The following ATP11A variants were observed in gnomAD, a reference collection of about 807,000 sequenced individuals.
ATP11A encodes phospholipid-transporting ATPase IH.
ATP11A carries 81 observed loss-of-function variants against 154.4 expected under a neutral mutation model. The observed-to-expected ratio is 0.52, with a 90% CI of 0.44 to 0.63. ATP11A has a LOEUF of 0.63. Among genes scored for constraint, ATP11A ranks in the 30% least tolerant of loss-of-function variants. The pLI is 0.00. For synonymous variants in ATP11A, 623 were observed against 585.9 expected (o/e 1.06, Z -0.91); for missense variants, 1,316 against 1,474.3 (o/e 0.89, Z 1.76).
chr13:112,852,461 G>A (rs185529799), intron 18 of ATP11A, among the ~76,000 whole-genome samples: 169 of 152,376 alleles, frequency 1.1e-3, no homozygotes, highest in Admixed American at 8.1e-3. Flanking sequence ...TCCAGAGTAA[G>A]TGCACAGAGC....
chr13:112,878,293 G>T lies in ATP11A; in HGVS notation c.3404G>T (p.Ter1135LeuextTer66). 1 of 1,614,086 alleles carries T rather than the reference G, an allele frequency of 6.2e-7. No individual in the cohort carries two copies. The highest frequency in any genetic ancestry group is 1.1e-5 in the South Asian group (1 of 91,088). Residue 1135 changes from the stop codon to leucine (L), a stop_lost, in exon 29 of 30, where the codon TGA becomes TTA. Coordinates refer to ENST00000375645, the MANE Select transcript of ATP11A (RefSeq NM_015205.3). ...CAGACTTCCAGCAGCCTGAGTTTCT[G>T]ATGGAACAAGGTGATGCTCCTCTGC... ...LSQTSSSLSF[*>L]
chr13:112,707,302 C>T (rs1175859614), intron 1 of ATP11A, among the ~76,000 whole-genome samples: 11 of 151,820 alleles, frequency 7.2e-5, no homozygotes, highest in Non-Finnish European at 1.0e-4. Context: ...GTAATCCCAC[C>T]TACTCAGGAG....
chr13:112,818,233 G>A (rs1346011855), intron 6 of ATP11A, among the ~76,000 whole-genome samples: 2 of 150,142 alleles, frequency 1.3e-5, no homozygotes, highest in Non-Finnish European at 3.0e-5. Flanking sequence ...TGGTGACGGG[G>A]CGGTGACCGT....
At chr13:112,770,918 C>T (rs982590581) in intron 1 of ATP11A, among the ~76,000 whole-genome samples, 4 of 152,228 alleles carry the variant, frequency 2.6e-5, no homozygotes, top group Admixed American at 2.6e-4. Context: ...TCACTGGATA[C>T]CTGTACATTT....
At chr13:112,775,075 G>A (rs1047230362) in intron 1 of ATP11A, among the ~76,000 whole-genome samples, 26 of 152,400 alleles carry the variant, frequency 1.7e-4, no homozygotes, top group African/African-American at 6.0e-4. Context: ...CGAGTGGGTT[G>A]CCCGCAGGGG....
intron 1 of ATP11A, among the ~76,000 whole-genome samples, chr13:112,770,434 A>G (rs371728537): frequency 2.2e-4 from 34 of 152,354 alleles, no homozygotes; most frequent in African/African-American, 5.8e-4. Flanking sequence ...AGAGAAATCC[A>G]GTCGTTACCA....
chr13:112,819,123 AG>A (rs1263653197), intron 6 of ATP11A, among the ~76,000 whole-genome samples, 180 bp from the exon 7 acceptor site: 1 of 152,236 alleles, frequency 6.6e-6, no homozygotes, highest in Non-Finnish European at 1.5e-5. Flanking sequence ...TGGAAGGATG[AG>A]AATTTTCTGG....
intron 8 of ATP11A, among the ~76,000 whole-genome samples, chr13:112,822,463 TC>T (rs1197428612): frequency 3.9e-5 from 6 of 151,992 alleles, no homozygotes; most frequent in Non-Finnish European, 8.8e-5. Context: ...GATTTACATG[TC>T]CCCCCCATTC....
intron 5 of ATP11A, chr13:112,812,118 T>C (rs2078518580): frequency 6.6e-6 from 1 of 152,214 alleles, no homozygotes; most frequent in Non-Finnish European, 1.5e-5. Flanking sequence ...GTAACTAATA[T>C]CTCAATATGT....
rs902521181 is a variant in ATP11A, at chr13:112,785,884, A to G, written c.162+627A>G. On this transcript the variant is annotated intron_variant, in intron 2 of 29. Transcript: ENST00000375645. The surrounding 1 kb of genome is among the most constrained non-coding windows in gnomAD (Gnocchi z 4.8). ...ACAAGGTGGAAATTTAGCTGCTGCC[A>G]TTAAACATGGGGTAAACTGTGCTTT... Among the ~76,000 whole-genome samples the G allele has an allele frequency of 6.6e-6, 1 of 152,268 alleles. No individual in the cohort carries two copies. The highest frequency in any genetic ancestry group is 2.4e-5 in the African/African-American group (1 of 41,478).
chr13:112,862,410 A>ACACACG (rs758273789), intron 24 of ATP11A, 30 bp from the exon 25 acceptor site: 1 of 1,611,994 alleles, frequency 6.2e-7, no homozygotes, highest in Admixed American at 1.7e-5. Flanking sequence ...ATTCTCGAGG[A>ACACACG]CACACGCTGT....
At chr13:112,861,507 A>G (rs570659061) in intron 24 of ATP11A, among the ~76,000 whole-genome samples, 6 of 152,346 alleles carry the variant, frequency 3.9e-5, no homozygotes, top group Admixed American at 1.3e-4. Context: ...ATGTGTGTAC[A>G]TGACACGTGT....
chr13:112,751,764 C>CT (rs2076698969), intron 1 of ATP11A, among the ~76,000 whole-genome samples: 1 of 147,892 alleles, frequency 6.8e-6, no homozygotes, highest in Non-Finnish European at 1.5e-5. Context: ...GGGTCTTACT[C>CT]TGTCACCCAG....
chr13:112,729,465 G>A lies in ATP11A; in HGVS notation c.39+39010G>A, dbSNP rs189192757. On this transcript the variant is annotated intron_variant, in intron 1 of 29. Transcript: ENST00000375645. ...CGCGGTTCCCACCTCGGCATTGCAGGCCCAGAGTATCTAACGCGTCTGCGT... is the reference window on the plus strand; with the variant it reads ...CGCGGTTCCCACCTCGGCATTGCAGACCCAGAGTATCTAACGCGTCTGCGT... Among the ~76,000 whole-genome samples, 428 of 152,150 alleles carry A rather than the reference G, an allele frequency of 2.8e-3. 3 individuals are homozygous for A. Among genetic ancestry groups the A allele is most frequent in the Admixed American group, 9.1e-3 (139 of 15,282 alleles).
intron 12 of ATP11A, among the ~76,000 whole-genome samples, chr13:112,828,778 G>A (rs764806184): frequency 2.0e-5 from 3 of 152,192 alleles, no homozygotes; most frequent in Admixed American, 2.0e-4. Context: ...TGTTGCTCAC[G>A]GGGGACACAC....
At chr13:112,739,302 G>T (rs1180644121) in intron 1 of ATP11A, among the ~76,000 whole-genome samples, 1 of 152,180 alleles carries the variant, frequency 6.6e-6, no homozygotes, top group Non-Finnish European at 1.5e-5. Context: ...CTAACCGTGG[G>T]CAAAAGATTT....
chr13:112,703,174 C>T (rs966120401), intron 1 of ATP11A: 11 of 152,222 alleles, frequency 7.2e-5, no homozygotes, highest in African/African-American at 2.2e-4. Flanking sequence ...GCTCTTGAGG[C>T]TGGAAATCAG....
intron 24 of ATP11A, 22 bp from the exon 25 acceptor site, chr13:112,862,418 T>A: frequency 6.2e-7 from 1 of 1,612,742 alleles, no homozygotes; most frequent in Non-Finnish European, 8.5e-7. Context: ...GGACACACGC[T>A]GTGCACCTTT....
At chr13:112,874,684 CA>C (rs1393386039) in intron 27 of ATP11A, among the ~76,000 whole-genome samples, 1 of 152,190 alleles carries the variant, frequency 6.6e-6, no homozygotes, top group Non-Finnish European at 1.5e-5. Context: ...CTCGTTCAGC[CA>C]GCGGCCCCTG....
Sources: gnomAD v4.1 joint callset for allele counts (sites outside exome capture counted in the v4.1 genomes callset) on GRCh38, gnomAD v4.1.1 for gene constraint, Gnocchi (gnomAD v3.1) non-coding constraint, MANE v1.5 for transcripts, NCBI Gene and HGNC (gene_info 2026-07-23, HGNC 2026-07-21) for gene names.